Variants in MYOF observed in about 807,000 individuals in gnomAD.
MYOF encodes fer-1-like 3, myoferlin.
A neutral mutation model predicts 284.2 loss-of-function variants in MYOF; 244 were observed. The ratio of observed to expected loss-of-function variants is 0.86; its 90% CI spans 0.77 to 0.95. MYOF has a LOEUF of 0.95. Among genes scored for constraint, MYOF ranks in the 40% least tolerant of loss-of-function variants. The pLI is 0.00. For synonymous variants in MYOF, 904 were observed against 919.7 expected (o/e 0.98, Z 0.31); for missense variants, 2,496 against 2,560.6 (o/e 0.97, Z 0.54).
At chr10:93,316,843 ACT>A in intron 49 of MYOF, 30 bp from the exon 50 acceptor site, 1 of 1,557,508 alleles carries the variant, frequency 6.4e-7, no homozygotes, top group Non-Finnish European at 8.9e-7. Flanking sequence ...GATCATGATG[ACT>A]CTGAAACACT....
chr10:93,396,245 A>T, intron 15 of MYOF, 21 bp from the exon 16 acceptor site: 1 of 1,495,376 alleles, frequency 6.7e-7, no homozygotes, highest in African/African-American at 1.4e-5. Flanking sequence ...AATAAAAATA[A>T]AAAAATAAAA....
chr10:93,375,070 C>T (rs1845773565), intron 22 of MYOF, 115 bp from the exon 23 acceptor site: 1 of 1,028,200 alleles, frequency 9.7e-7, no homozygotes, highest in East Asian at 2.6e-5. Context: ...ACATCAACCT[C>T]CTAACTGAAT....
intron 1 of MYOF, among the ~76,000 whole-genome samples, chr10:93,478,832 A>G (rs140999843): frequency 8.1e-4 from 76 of 93,626 alleles, no homozygotes; most frequent in Non-Finnish European, 1.2e-3. Flanking sequence ...TCTCAAAAAA[A>G]AAAAAAAAAA....
At chr10:93,465,538 C>CTTTTTTTTTTTTTTTTT (rs71031511) in intron 1 of MYOF, among the ~76,000 whole-genome samples, 11 of 112,152 alleles carry the variant, frequency 9.8e-5, no homozygotes, top group Non-Finnish European at 1.4e-4. Context: ...TTTTTCTTTT[C>CTTTTTTTTTTTTTTTTT]TTTTTTTTTT....
At chr10:93,410,968 G>A (rs957447778) in intron 5 of MYOF, among the ~76,000 whole-genome samples, 1 of 152,200 alleles carries the variant, frequency 6.6e-6, no homozygotes, top group Admixed American at 6.5e-5. Context: ...AGCTATGTGA[G>A]TCTGAGTAAG....
At chr10:93,370,955 C>A (rs573409382) in intron 24 of MYOF, among the ~76,000 whole-genome samples, 1 of 151,886 alleles carries the variant, frequency 6.6e-6, no homozygotes, top group South Asian at 2.1e-4. Flanking sequence ...CCAGCTTTCA[C>A]GTAAAATAAT....
intron 1 of MYOF, among the ~76,000 whole-genome samples, chr10:93,463,450 A>T (rs1458642837): frequency 1.6e-5 from 2 of 126,704 alleles, no homozygotes; most frequent in African/African-American, 6.2e-5. Context: ...CCCAGGATCT[A>T]GTGCAGTGGT....
chr10:93,479,292 G>C (rs922302533), intron 1 of MYOF, among the ~76,000 whole-genome samples: 3 of 151,868 alleles, frequency 2.0e-5, no homozygotes, highest in African/African-American at 7.3e-5. Context: ...AGGCATGGTA[G>C]GGCTTTTTCC....
intron 53 of MYOF, 144 bp downstream of exon 53, chr10:93,309,876 A>T: frequency 1.0e-6 from 1 of 986,246 alleles, no homozygotes; most frequent in South Asian, 2.2e-5. Context: ...ACATTACTTT[A>T]AATTTCCCCA....
At position 93,381,427 on chromosome 10, in the gene MYOF, T is replaced by C. The variant is rs1054638850; in HGVS notation, c.1699-31A>G. On this transcript the variant is annotated intron_variant, in intron 19 of 53. Transcript: ENST00000359263. ...AAGTATGAGCAGACATAAGGTTCAG[T>C]GAAAGGCCATTTGTTCTTATTTACA... 3 of 1,607,520 alleles carry C rather than the reference T, an allele frequency of 1.9e-6. 1 individual carries two copies. Among genetic ancestry groups the C allele is most frequent in the South Asian group, 2.2e-5 (2 of 90,464 alleles).
chr10:93,333,968 C>T, intron 41 of MYOF, 55 bp from the exon 42 acceptor site: 1 of 1,562,428 alleles, frequency 6.4e-7, no homozygotes, highest in Non-Finnish European at 8.7e-7. Flanking sequence ...AGGTAGAGGG[C>T]TCCTGGGAAG....
At chr10:93,451,902 T>C (rs1259372945) in intron 3 of MYOF, 148 bp downstream of exon 3, 1 of 672,826 alleles carries the variant, frequency 1.5e-6, no homozygotes. Context: ...ACATCTGCTA[T>C]TGGCTTAGAA....
chr10:93,310,142 A>G lies in MYOF; in HGVS notation c.6025T>C (p.Phe2009Leu), dbSNP rs775703811. 1.2e-6 allele frequency: 2 copies of G among 1,614,192 alleles called. No individual in the cohort carries two copies. The highest frequency in any genetic ancestry group is 2.2e-5 in the South Asian group (2 of 91,074). ...TTCATGGTCTTGCATGGGTTGGTGA[A>G]CCAGAGGAAGGAGGTTTCTGGTCGA... ...PNRPETSFLW[F>L]TNPCKTMKFI... is the part of the protein sequence containing the mutation. Residue 2009 changes from phenylalanine (F) to leucine (L), a missense_variant, in exon 53 of 54, where the codon TTC becomes CTC. Transcript: ENST00000359263.
rs775957817 is a variant in MYOF at position 93,363,985 on chromosome 10, C to T, written c.2844G>A (p.Pro948=). ...ESRYPGGDWK[P]AEDTYTDANG... ...CCGCATCCGTGTAGGTGTCCTCGGC[C>T]GGCTTCCAGTCGCCCCCGGGGTAGC... Residue 948 remains proline (P), a synonymous_variant, in exon 27 of 54, where the codon CCG becomes CCA. Coordinates refer to ENST00000359263, the MANE Select transcript of MYOF (RefSeq NM_013451.4). 8 of 1,614,052 alleles carry T rather than the reference C, an allele frequency of 5.0e-6. No homozygotes were observed. The highest frequency in any genetic ancestry group is 1.6e-4 in the Middle Eastern group (1 of 6,084).
In MYOF at chr10:93,380,002, T is replaced by G. The variant is rs770461674; in HGVS notation, c.1877-15A>C. 1 of 1,610,202 alleles carries G rather than the reference T, an allele frequency of 6.2e-7. No individual in the cohort carries two copies. The highest frequency in any genetic ancestry group is 8.5e-7 in the Non-Finnish European group (1 of 1,176,988). ...ATAGTAGTTGCCTGGTATAAAACAT[T>G]GGGGGTCAATGAACACTGAACACTT... On this transcript the variant is annotated splice_polypyrimidine_tract_variant and intron_variant, in intron 20 of 53. Transcript: ENST00000359263.
intron 1 of MYOF, among the ~76,000 whole-genome samples, chr10:93,464,459 T>C (rs1384347718): frequency 6.6e-6 from 1 of 152,168 alleles, no homozygotes; most frequent in African/African-American, 2.4e-5. Flanking sequence ...TGGTAACACA[T>C]TTGAAATGCT....
intron 2 of MYOF, among the ~76,000 whole-genome samples, chr10:93,454,501 C>T (rs2985077): frequency 0.81 from 122,900 of 152,112 alleles, 49,782 homozygotes; most frequent in East Asian, 0.9. Flanking sequence ...CACATAAATG[C>T]ATTTTTTATT....
intron 10 of MYOF, among the ~76,000 whole-genome samples, chr10:93,402,558 ACT>A (rs750056193): frequency 6.6e-6 from 1 of 151,432 alleles, no homozygotes; most frequent in Non-Finnish European, 1.5e-5. Context: ...CTCAAACAAG[ACT>A]CTCTAAGTTG....
At chr10:93,328,378 C>A (rs1287246085) in intron 45 of MYOF, among the ~76,000 whole-genome samples, 1 of 152,156 alleles carries the variant, frequency 6.6e-6, no homozygotes, top group Admixed American at 6.5e-5. Context: ...GCTCTTCAAG[C>A]CAACCATAAC....
Sources: allele counts gnomAD v4.1 joint callset (sites outside exome capture counted in the v4.1 genomes callset), GRCh38; gene constraint gnomAD v4.1.1; transcripts MANE v1.5; gene names NCBI Gene and HGNC (gene_info 2026-07-23, HGNC 2026-07-21).